The following HBP1 variants were observed in gnomAD, a reference collection of about 807,000 sequenced individuals.
HBP1 encodes HMG-box transcription factor 1, also known as HMG box-containing protein 1.
A neutral mutation model predicts 62.6 loss-of-function variants in HBP1; 20 were observed. The observed-to-expected ratio is 0.32, with a 90% confidence interval of 0.22 to 0.46. The LOEUF is 0.46. Among genes scored for constraint, HBP1 ranks in the 20% least tolerant of loss-of-function variants. The pLI, the probability that HBP1 is intolerant of heterozygous loss-of-function variation, is 1.00. For synonymous variants in HBP1, 232 were observed against 206.2 expected (o/e 1.12, Z -1.07); for missense variants, 480 against 611.8 (o/e 0.78, Z 2.27).
Position 107,186,717 on chromosome 7 carries a change from T to G in HBP1, c.765+36T>G, listed in dbSNP as rs1340574618. The stretch of plus-strand genomic sequence containing the variant: ...AATTCTTAAAAAATTTTTCAAAATC[T>G]TTCCAAATGAAACAAGATTTATTGT... On this transcript the variant is annotated intron_variant, in intron 6 of 10. Transcript: ENST00000222574. 2.5e-6 allele frequency: 3 copies of G among 1,178,184 alleles called. No homozygotes were observed. In the East Asian group the frequency reaches 7.0e-5, roughly 28 times the overall value. The allele number at this position is 1,178,184 out of a possible 1,614,324, so 73.0% of individuals were successfully genotyped here.
intron 6 of HBP1, among the ~76,000 whole-genome samples, chr7:107,189,067 T>C (rs1368147896): frequency 2.0e-5 from 3 of 152,238 alleles, no homozygotes; most frequent in Admixed American, 1.3e-4. Context: ...AATAACTCTT[T>C]ATTAAACTGC....
rs7794598 is a variant in HBP1, at chr7:107,185,936, C to T, written c.534C>T (p.His178=). 0.21 allele frequency: 331,906 copies of T among 1,606,694 alleles called. 35,570 individuals are homozygous for T. The highest frequency in any genetic ancestry group is 0.22 in the Non-Finnish European group (258,673 of 1,173,552). Residue 178 remains histidine (H), a synonymous_variant, in exon 4 of 11, where the codon CAC becomes CAT. Coordinates refer to ENST00000222574, the MANE Select transcript of HBP1 (RefSeq NM_012257.4). ...HHWKEETPVR[H]ERANSESESG... is the part of the protein sequence containing the mutation. ...GGAAGGAGGAAACACCAGTAAGACA[C>T]GAAAGGGTAAGTTTATTTATGAGGT...
chr7:107,169,900 A>G (rs1006411076), intron 1 of HBP1: 129 of 985,416 alleles, frequency 1.3e-4, no homozygotes, highest in Non-Finnish European at 1.5e-4. Context: ...TGTGACCCAA[A>G]GAGGAGGCTT....
At chr7:107,189,250 T>C (rs1797533284) in intron 6 of HBP1, 42 bp from the exon 7 acceptor site, 1 of 1,553,702 alleles carries the variant, frequency 6.4e-7, no homozygotes, top group Non-Finnish European at 8.8e-7. Context: ...GTGTTTTGAA[T>C]TGAACATTTC....
intron 9 of HBP1, among the ~76,000 whole-genome samples, chr7:107,198,707 C>G (rs1296525735): frequency 1.3e-5 from 2 of 152,116 alleles, no homozygotes; most frequent in Admixed American, 1.3e-4. Context: ...GAGGCAAATT[C>G]TGAGGGAATG....
At chr7:107,195,750 CTTTT>C (rs75208949) in intron 8 of HBP1, 80 bp from the exon 9 acceptor site, 16 of 531,988 alleles carry the variant, frequency 3.0e-5, no homozygotes, top group South Asian at 5.8e-5. Context: ...CAGATGTTTT[CTTTT>C]TTTTTTTTTT....
chr7:107,197,481 G>T (rs1797973362), intron 9 of HBP1, among the ~76,000 whole-genome samples: 1 of 152,108 alleles, frequency 6.6e-6, no homozygotes, highest in Non-Finnish European at 1.5e-5. Context: ...CGATTCTCCT[G>T]CCTCAGCCAC....
intron 1 of HBP1, chr7:107,173,568 G>C (rs1003756338): frequency 3.3e-5 from 5 of 152,200 alleles, no homozygotes; most frequent in African/African-American, 1.2e-4. Flanking sequence ...AAAATTAGAT[G>C]AAGTACATGG....
rs1797330046 is a variant in HBP1, at chr7:107,185,877, T to A, written c.475T>A (p.Ser159Thr). The A allele has an allele frequency of 6.2e-7, 1 of 1,611,204 alleles. No homozygotes were observed. Among genetic ancestry groups the A allele is most frequent in the Middle Eastern group, 1.7e-4 (1 of 6,058 alleles). ...ACGCCCTCCACCAGTGTCCTCTTCT[T>A]CGAAGAGTGAACCAGCCTTCCCTCA... is the stretch of plus-strand genomic sequence containing the variant. ...YARPPPVSSS[S>T]KSEPAFPHHH... is the part of the protein sequence containing the mutation. Residue 159 changes from serine (S) to threonine (T), a missense_variant, in exon 4 of 11, where the codon TCG (serine) becomes ACG (threonine). Physicochemically the swap from Ser to Thr is moderately conservative, Grantham distance 58. Coordinates refer to ENST00000222574, the MANE Select transcript of HBP1 (RefSeq NM_012257.4).
Position 107,171,073 on chromosome 7 carries a change from A to ATATAT in HBP1, c.-16+1889_-16+1890insATATT. Among the ~76,000 whole-genome samples the ATATAT allele has an allele frequency of 1.0e-3, 88 of 87,198 alleles. 6 individuals carry two copies. The highest frequency in any genetic ancestry group is 2.5e-3 in the African/African-American group (38 of 15,124). 57.2% of individuals were successfully genotyped at this position (87,198 alleles called of 152,430 possible). ...TATATATATATATATATATATATAT[A>ATATAT]TTTTTTTTTTTTTTTGAGAGGGAGT... On this transcript the variant is annotated intron_variant, in intron 1 of 10. Coordinates refer to ENST00000222574, the MANE Select transcript of HBP1 (RefSeq NM_012257.4).
intron 8 of HBP1, among the ~76,000 whole-genome samples, chr7:107,191,206 A>G (rs1166556377): frequency 1.3e-5 from 2 of 152,198 alleles, no homozygotes; most frequent in African/African-American, 4.8e-5. Context: ...GATGAGTGAA[A>G]CTATTATTAA....
intron 8 of HBP1, among the ~76,000 whole-genome samples, chr7:107,193,583 C>T (rs1264368375): frequency 6.6e-6 from 1 of 151,996 alleles, no homozygotes; most frequent in Admixed American, 6.6e-5. Flanking sequence ...TTTAACTTGC[C>T]CAAGGTCATA....
chr7:107,193,139 C>T lies in HBP1; in HGVS notation c.1068-2695C>T, dbSNP rs866304497. The T allele has an allele frequency of 1.1e-4, 17 of 152,270 alleles. No homozygotes were observed. In the South Asian group the frequency reaches 2.1e-3, roughly 19 times the overall value. The allele number at this position is 152,270 out of a possible 1,614,324, so 9.4% of individuals were successfully genotyped here. A position where few individuals can be genotyped will look rare whatever the true frequency, so the allele number is the denominator to read the frequency against. On this transcript the variant is annotated intron_variant, in intron 8 of 10. Transcript: ENST00000222574. ...TGAAACATTGAGAATTGAGGCCAAC[C>T]TTCTAGGCCTCAGGCGGGTTTAAAA... is the stretch of plus-strand genomic sequence containing the variant.
chr7:107,196,001 C>T lies in HBP1; in HGVS notation c.1235C>T (p.Ser412Phe), dbSNP rs757995898. 6.2e-7 allele frequency: 1 copy of T among 1,614,064 alleles called. No individual in the cohort carries two copies. Among genetic ancestry groups the T allele is most frequent in the Non-Finnish European group, 8.5e-7 (1 of 1,179,956 alleles). Residue 412 changes from serine to phenylalanine, a missense_variant, in exon 9 of 11, where the codon TCT becomes TTT. Ser to Phe is a radical substitution (Grantham distance 155). This residue lies in a region of HBP1 where 66 missense variants were observed against 56.4 expected (regional missense o/e 1.17). Transcript: ENST00000222574. ...GGATCATCACAGCTCTCTTCCAATT[C>T]TTTGTATGCTAAAGCTGTCAAAAAC... ...SPGSSQLSSNSLYAKAVKNHS... is the reference protein window; with the variant it reads ...SPGSSQLSSNFLYAKAVKNHS...
At chr7:107,169,739 C>G in intron 1 of HBP1, 1 of 985,378 alleles carries the variant, frequency 1.0e-6, no homozygotes, top group Non-Finnish European at 1.2e-6. Flanking sequence ...GAATGGGCTC[C>G]CAGGCGCCTG....
chr7:107,179,310 A>G (rs1431231902), intron 1 of HBP1, among the ~76,000 whole-genome samples: 1 of 152,184 alleles, frequency 6.6e-6, no homozygotes, highest in African/African-American at 2.4e-5. Context: ...ATACAATGCC[A>G]TTTTTCCTCA....
At chr7:107,186,162 T>TTC (rs1562892824) in intron 4 of HBP1, among the ~76,000 whole-genome samples, 199 bp from the exon 5 acceptor site, 2 of 147,388 alleles carry the variant, frequency 1.4e-5, no homozygotes, top group Non-Finnish European at 3.0e-5. Flanking sequence ...TTTTCTTTTT[T>TTC]TTTCTTTTTT....
intron 1 of HBP1, chr7:107,169,864 G>A (rs1584467269): frequency 2.0e-6 from 2 of 985,566 alleles, no homozygotes; most frequent in Middle Eastern, 5.2e-4. Flanking sequence ...GGATGGACTT[G>A]GCGTGAACCG....
chr7:107,185,759 TA>T, intron 3 of HBP1, 41 bp from the exon 4 acceptor site: 1 of 1,545,762 alleles, frequency 6.5e-7, no homozygotes, highest in Non-Finnish European at 8.9e-7. Context: ...AGATCTACTT[TA>T]AGGACCTATG....
Sources: allele counts gnomAD v4.1 joint callset (sites outside exome capture counted in the v4.1 genomes callset), GRCh38; gene constraint gnomAD v4.1.1; regional missense constraint gnomAD v4.1.1; transcripts MANE v1.5; gene names NCBI Gene and HGNC (gene_info 2026-07-23, HGNC 2026-07-21).